NRG1: variants seen among roughly 807,000 people sequenced by gnomAD.
NRG1 encodes pro-neuregulin-1, membrane-bound isoform.
Under a neutral mutation model 63.8 loss-of-function variants are expected in NRG1, and 18 were observed. That is an observed-to-expected ratio of 0.28 (90% CI 0.19 to 0.42). The LOEUF is 0.42. Among genes scored for constraint, NRG1 ranks in the 10% least tolerant of loss-of-function variants. NRG1 has a pLI of 1.00. For missense variants in NRG1, 762 were observed against 814.7 expected, an observed-to-expected ratio of 0.94 and a Z score of 0.79; for synonymous variants, 302 against 301.3, an observed-to-expected ratio of 1.00 and a Z score of -0.02.
chr8:31,778,144 G>T (rs547906432), intron 1 of NRG1, among the ~76,000 whole-genome samples: 1 of 152,278 alleles, frequency 6.6e-6, no homozygotes, highest in South Asian at 2.1e-4. Flanking sequence ...GGTTTACAAA[G>T]CATATTGACT....
At chr8:32,460,113 C>T (rs1000138903) in intron 1 of NRG1, among the ~76,000 whole-genome samples, 2 of 152,140 alleles carry the variant, frequency 1.3e-5, no homozygotes, top group South Asian at 2.1e-4. Context: ...TGTTTGTTCA[C>T]GGCAGTAATT....
At chr8:31,970,301 C>T (rs575387366) in intron 1 of NRG1, among the ~76,000 whole-genome samples, 11 of 152,244 alleles carry the variant, frequency 7.2e-5, no homozygotes, top group East Asian at 3.9e-4. Flanking sequence ...TGGTTCTTTA[C>T]GGCCACATAA....
rs184681430 is a variant in NRG1, at chr8:31,818,230, G to A, written c.37+178799G>A. Among the ~76,000 whole-genome samples, 25 of 152,238 alleles carry A rather than the reference G, an allele frequency of 1.6e-4. No homozygotes were observed. In the Middle Eastern group the frequency reaches 0.02, roughly 124 times the overall value. ...TTGTGCATACTTATTGTCAGGTGCT[G>A]GGTCAAATTAAATTGGAATGATTTG... On this transcript the variant is annotated intron_variant, in intron 1 of 10. Coordinates refer to the NRG1 transcript ENST00000519301.
chr8:31,848,411 C>A (rs1329502869), intron 1 of NRG1, among the ~76,000 whole-genome samples: 1 of 152,272 alleles, frequency 6.6e-6, no homozygotes, highest in African/African-American at 2.4e-5. Context: ...ATAGCTTACC[C>A]TCATCAGTCA....
At chr8:32,623,528 C>A (rs1353036728) in intron 5 of NRG1, among the ~76,000 whole-genome samples, 1 of 152,138 alleles carries the variant, frequency 6.6e-6, no homozygotes, top group Non-Finnish European at 1.5e-5. Flanking sequence ...AACAAATTAT[C>A]ATGCATCATA....
intron 1 of NRG1, among the ~76,000 whole-genome samples, chr8:32,056,368 G>T (rs563226967): frequency 6.6e-6 from 1 of 152,286 alleles, no homozygotes; most frequent in African/African-American, 2.4e-5. Flanking sequence ...TTTAGTCGCT[G>T]TGACCAGTGT....
rs869230870 is a variant in NRG1, at chr8:32,372,008, TA to T, written c.38-223816del. 2.0e-3 allele frequency among the ~76,000 whole-genome samples: 260 copies of T among 129,302 alleles called. 2 individuals are homozygous for T. The highest frequency in any genetic ancestry group is 5.7e-3 in the African/African-American group (219 of 38,364). 84.8% of individuals were successfully genotyped at this position (129,302 alleles called of 152,430 possible). ...TTCTTCTTCATTTTTTTTTTTTTTT[TA>T]AAAGGGTTGTGCCATGTCACCCAGG... On this transcript the variant is annotated intron_variant, in intron 1 of 10. Transcript: ENST00000519301.
At chr8:32,000,852 G>C (rs1812806569) in intron 1 of NRG1, among the ~76,000 whole-genome samples, 1 of 151,770 alleles carries the variant, frequency 6.6e-6, no homozygotes, top group South Asian at 2.1e-4. Context: ...CTTCATTTTT[G>C]TTTTGTCTTT....
chr8:32,098,891 G>A lies in NRG1; in HGVS notation c.37+459460G>A, dbSNP rs1228089017. 3.3e-5 allele frequency: 5 copies of A among 152,198 alleles called. No individual in the cohort carries two copies. In the South Asian group the frequency reaches 8.3e-4, roughly 25 times the overall value. 9.4% of individuals were successfully genotyped at this position (152,198 alleles called of 1,614,324 possible). On this transcript the variant is annotated intron_variant, in intron 1 of 10. Transcript: ENST00000519301. The stretch of plus-strand genomic sequence containing the variant: ...CTGACCTTCCACATAACCATGGGTA[G>A]CCATAGGACCTCTTTAACCCTCAGT...
At chr8:31,663,711 G>C (rs1396213477) in intron 1 of NRG1, among the ~76,000 whole-genome samples, 2 of 152,132 alleles carry the variant, frequency 1.3e-5, no homozygotes, top group African/African-American at 4.8e-5. Flanking sequence ...CCAGTTAATG[G>C]GCAGGCATGT....
intron 1 of NRG1, among the ~76,000 whole-genome samples, chr8:32,277,717 C>A (rs1320563080): frequency 6.6e-6 from 1 of 152,148 alleles, no homozygotes; most frequent in Non-Finnish European, 1.5e-5. Context: ...TACTGGTATG[C>A]AGTTGGCAGA....
intron 1 of NRG1, among the ~76,000 whole-genome samples, chr8:31,894,991 TTTAG>T (rs1455947269): frequency 6.6e-6 from 1 of 152,242 alleles, no homozygotes; most frequent in African/African-American, 2.4e-5. Flanking sequence ...TATACATTTA[TTTAG>T]TTAATGTGGT....
At chr8:32,291,608 G>A (rs1004215909) in intron 1 of NRG1, among the ~76,000 whole-genome samples, 1 of 138,138 alleles carries the variant, frequency 7.2e-6, no homozygotes, top group Non-Finnish European at 1.5e-5. Flanking sequence ...GCAAGATCTC[G>A]GCTCACTGCA....
At chr8:32,042,961 A>AGT (rs111850977) in intron 1 of NRG1, among the ~76,000 whole-genome samples, 3,254 of 139,992 alleles carry the variant, frequency 0.023, 90 homozygotes, top group African/African-American at 0.064. Context: ...GAAAGAGTGC[A>AGT]GTGTGTGTGT....
At chr8:32,173,694 G>T (rs1381582131) in intron 1 of NRG1, among the ~76,000 whole-genome samples, 1 of 152,158 alleles carries the variant, frequency 6.6e-6, no homozygotes, top group Non-Finnish European at 1.5e-5. Context: ...TACAATTCTA[G>T]TCTCTGATAA....
At chr8:32,645,635 C>G (rs981312634) in intron 5 of NRG1, among the ~76,000 whole-genome samples, 1 of 152,116 alleles carries the variant, frequency 6.6e-6, no homozygotes, top group African/African-American at 2.4e-5. Flanking sequence ...GACTTGAATT[C>G]TAAATTTTAC....
At chr8:32,210,972 T>G (rs1476697161) in intron 1 of NRG1, among the ~76,000 whole-genome samples, 1 of 152,250 alleles carries the variant, frequency 6.6e-6, no homozygotes, top group African/African-American at 2.4e-5. Context: ...TTTTTCTTTT[T>G]TACTTGGTTG....
At position 31,872,289 on chromosome 8, in the gene NRG1, C is replaced by G. The variant is rs970793524; in HGVS notation, c.37+232858C>G. 3.3e-5 allele frequency among the ~76,000 whole-genome samples: 5 copies of G among 152,220 alleles called. No individual in the cohort carries two copies. In the South Asian group the frequency reaches 8.3e-4, roughly 25 times the overall value. On this transcript the variant is annotated intron_variant, in intron 1 of 10. Transcript: ENST00000519301. ...TTAAGAGGGGACTCTTTCTGACAGC[C>G]CTTCCACTTTTATCCTTTTACCATT...
At chr8:32,019,537 T>A (rs180905333) in intron 1 of NRG1, among the ~76,000 whole-genome samples, 1 of 152,348 alleles carries the variant, frequency 6.6e-6, no homozygotes, top group Non-Finnish European at 1.5e-5. Flanking sequence ...TTTCTTTATT[T>A]GGATAGAGCC....
Sources: allele counts gnomAD v4.1 joint callset (sites outside exome capture counted in the v4.1 genomes callset), GRCh38; gene constraint gnomAD v4.1.1; transcripts MANE v1.5; gene names NCBI Gene and HGNC (gene_info 2026-07-23, HGNC 2026-07-21).